The following FILIP1L variants were observed in gnomAD, a reference collection of about 807,000 sequenced individuals.
FILIP1L encodes filamin A interacting protein 1 like.
FILIP1L carries 55 observed loss-of-function variants against 96.6 expected under a neutral mutation model. That is an observed-to-expected ratio of 0.57 (90% CI 0.46 to 0.71). The LOEUF is 0.71. Among genes scored for constraint, FILIP1L ranks in the 30% least tolerant of loss-of-function variants. The pLI is 0.00. For synonymous variants in FILIP1L, 467 were observed against 473.9 expected, an observed-to-expected ratio of 0.99 and a Z score of 0.19; for missense variants, 1,304 against 1,321.2, an observed-to-expected ratio of 0.99 and a Z score of 0.20.
At chr3:100,051,986 G>A (rs2065382368) in intron 1 of FILIP1L, among the ~76,000 whole-genome samples, 1 of 150,330 alleles carries the variant, frequency 6.7e-6, no homozygotes, top group Non-Finnish European at 1.5e-5. Context: ...AAATATAAAT[G>A]TGATAAATAT....
chr3:100,049,475 G>T (rs972201827), intron 1 of FILIP1L, among the ~76,000 whole-genome samples: 1 of 152,126 alleles, frequency 6.6e-6, no homozygotes, highest in Admixed American at 6.5e-5. Flanking sequence ...TCTTTTTATT[G>T]ATTGATCTAT....
At chr3:99,928,372 G>A (rs928978189) in intron 3 of FILIP1L, among the ~76,000 whole-genome samples, 4 of 152,206 alleles carry the variant, frequency 2.6e-5, no homozygotes, top group African/African-American at 9.6e-5. Flanking sequence ...CCATAAGGGG[G>A]AAGTAGAGGA....
At chr3:99,985,306 C>T (rs1283019731) in intron 1 of FILIP1L, among the ~76,000 whole-genome samples, 1 of 152,034 alleles carries the variant, frequency 6.6e-6, no homozygotes, top group African/African-American at 2.4e-5. Flanking sequence ...CTGAGGTGGG[C>T]AGATTGCATG....
chr3:99,992,283 A>G (rs906338133), intron 1 of FILIP1L, among the ~76,000 whole-genome samples: 3 of 152,094 alleles, frequency 2.0e-5, no homozygotes, highest in African/African-American at 4.8e-5. Flanking sequence ...TTACATTCCC[A>G]TCAACAGTAT....
At chr3:100,042,723 A>G (rs774557099) in intron 1 of FILIP1L, among the ~76,000 whole-genome samples, 2 of 152,212 alleles carry the variant, frequency 1.3e-5, no homozygotes. Context: ...TTCTTTTGCC[A>G]CATAGCTGAT....
At chr3:100,014,898 T>TTTTTTTTTTTTTTTTTTTTTTTTTTTTC in intron 1 of FILIP1L, among the ~76,000 whole-genome samples, 1 of 110,410 alleles carries the variant, frequency 9.1e-6, no homozygotes, top group South Asian at 3.5e-4. Context: ...TTTCTTTCTT[T>TTTTTTTTTTTTTTTTTTTTTTTTTTTTC]TTTTTTTTTT....
At chr3:99,955,156 A>T (rs757981394) in intron 1 of FILIP1L, among the ~76,000 whole-genome samples, 1 of 152,226 alleles carries the variant, frequency 6.6e-6, no homozygotes, top group Non-Finnish European at 1.5e-5. Flanking sequence ...TGGCTGTATC[A>T]TTCTAGCAAT....
intron 1 of FILIP1L, among the ~76,000 whole-genome samples, chr3:100,100,990 G>A (rs947975885): frequency 2.0e-5 from 3 of 152,178 alleles, no homozygotes; most frequent in Admixed American, 2.0e-4. Context: ...AGAAGAAAGT[G>A]TGTGATGACA....
chr3:100,050,257 C>T (rs1428617684), intron 1 of FILIP1L, among the ~76,000 whole-genome samples: 1 of 152,116 alleles, frequency 6.6e-6, no homozygotes, highest in Non-Finnish European at 1.5e-5. Context: ...TATTAACCTC[C>T]CTTATAACTC....
chr3:99,878,002 G>GCATTTATTTCATT (rs1384243357), intron 4 of FILIP1L, among the ~76,000 whole-genome samples: 10 of 152,080 alleles, frequency 6.6e-5, no homozygotes, highest in African/African-American at 1.9e-4. Flanking sequence ...CTTTTGACTT[G>GCATTTATTTCATT]CTGGTTCCCA....
intron 1 of FILIP1L, among the ~76,000 whole-genome samples, chr3:99,969,380 T>G (rs1708748540): frequency 6.6e-6 from 1 of 152,102 alleles, no homozygotes; most frequent in South Asian, 2.1e-4. Context: ...GAGTAGGAGG[T>G]TGAGCCACGT....
intron 1 of FILIP1L, among the ~76,000 whole-genome samples, chr3:99,983,456 A>ATGTG (rs1709213536): frequency 1.0e-4 from 1 of 9,868 alleles, no homozygotes; most frequent in African/African-American, 3.8e-4. Flanking sequence ...GTATATATAT[A>ATGTG]TATGTGTGTA....
chr3:100,030,658 C>G (rs2065008376), intron 1 of FILIP1L, among the ~76,000 whole-genome samples: 1 of 152,160 alleles, frequency 6.6e-6, no homozygotes, highest in South Asian at 2.1e-4. Flanking sequence ...GTCCCCACAA[C>G]TAATTTAACC....
chr3:99,927,856 C>T (rs1707345860), intron 3 of FILIP1L, among the ~76,000 whole-genome samples: 1 of 152,256 alleles, frequency 6.6e-6, no homozygotes, highest in Non-Finnish European at 1.5e-5. Context: ...CAGCCCCAAG[C>T]ATGTTCCAGC....
chr3:99,978,677 A>G (rs1213470205), intron 1 of FILIP1L, among the ~76,000 whole-genome samples: 1 of 152,174 alleles, frequency 6.6e-6, no homozygotes, highest in Non-Finnish European at 1.5e-5. Context: ...GGTGAATCAC[A>G]TGAGGCCAGG....
chr3:100,052,286 G>A lies in FILIP1L; in HGVS notation c.-11+61767C>T, dbSNP rs575871643. Among the ~76,000 whole-genome samples, 4 of 152,278 alleles carry A rather than the reference G, an allele frequency of 2.6e-5. No homozygotes were observed. The South Asian group carries it at 8.3e-4, about 32-fold the overall frequency. ...AGCAGACATGGCACAGTCCAGAAAC[G>A]AATAAAAAACTAATGCAGAGCAATA... On this transcript the variant is annotated intron_variant, in intron 1 of 5. Transcript: ENST00000477258.
In FILIP1L at chr3:99,849,665, G is replaced by C. The variant is rs777848953; in HGVS notation, c.2011C>G (p.Gln671Glu). The C allele has an allele frequency of 6.2e-7, 1 of 1,613,216 alleles. No homozygotes were observed. Among genetic ancestry groups the C allele is most frequent in the South Asian group, 1.1e-5 (1 of 90,932 alleles). Residue 671 changes from glutamine to glutamate, a missense_variant, in exon 5 of 6, where the codon CAA becomes GAA. Transcript: ENST00000477258. ...TGTTCTAGCTCTTTAGATAAAAATT[G>C]AGCTTTGTCTCGTTCATTAGCATAC... ...RRYANERDKA[Q>E]FLSKELEHVK...
chr3:99,929,957 A>T lies in FILIP1L; in HGVS notation c.325T>A (p.Phe109Ile). 1 of 1,614,050 alleles carries T rather than the reference A, an allele frequency of 6.2e-7. No individual in the cohort carries two copies. The highest frequency in any genetic ancestry group is 1.3e-5 in the African/African-American group (1 of 75,018). The change falls in exon 3 of 6, where the codon TTT becomes ATT. Residue 109 changes from phenylalanine (F) to isoleucine (I), a missense_variant. Transcript: ENST00000477258. ...TCTAACACCTTTTTTGGAGTGACAA[A>T]CCCATACTGAGCTTCCAGCAAAGCC... ...DLALLEAQYGFVTPKKVLEAL... is the reference protein window; with the variant it reads ...DLALLEAQYGIVTPKKVLEAL...
chr3:99,951,120 C>CTT (rs1708164158), intron 1 of FILIP1L, among the ~76,000 whole-genome samples: 1 of 152,158 alleles, frequency 6.6e-6, no homozygotes, highest in Admixed American at 6.5e-5. Context: ...ACTCATAGGC[C>CTT]TTTGCCTGTG....
Sources: allele counts gnomAD v4.1 joint callset (sites outside exome capture counted in the v4.1 genomes callset), GRCh38; gene constraint gnomAD v4.1.1; transcripts MANE v1.5; gene names NCBI Gene and HGNC (gene_info 2026-07-23, HGNC 2026-07-21).